Variants in TSPAN18 observed in about 807,000 individuals in gnomAD.
TSPAN18 encodes tetraspanin-18.
In TSPAN18, 14 loss-of-function variants were observed where a neutral mutation model predicts 27.3. The ratio of observed to expected loss-of-function variants is 0.51; its 90% CI spans 0.34 to 0.80. The LOEUF (loss-of-function observed/expected upper bound fraction) is 0.80. Among genes scored for constraint, TSPAN18 ranks in the 30% least tolerant of loss-of-function variants. The pLI is 0.01. For synonymous variants in TSPAN18, 143 were observed against 136.5 expected (o/e 1.05, Z -0.33); for missense variants, 268 against 323.9 (o/e 0.83, Z 1.32).
intron 2 of TSPAN18, among the ~76,000 whole-genome samples, chr11:44,769,484 A>G (rs1334883172): frequency 6.6e-6 from 1 of 152,214 alleles, no homozygotes; most frequent in Non-Finnish European, 1.5e-5. Context: ...AATTTCTCCC[A>G]TAAGTGTTTG....
In TSPAN18 at chr11:44,834,261, A is replaced by C. The variant is rs1193580474; in HGVS notation, c.-152-26067A>C. ...CCTGCACCTCGGGCACCTCTGGCAA[A>C]AAGACCTGCCAGTTCCTTTCGGCCC... On this transcript the variant is annotated intron_variant, in intron 2 of 9. Coordinates refer to ENST00000520358, the MANE Select transcript of TSPAN18 (RefSeq NM_130783.5). 2.6e-5 allele frequency among the ~76,000 whole-genome samples: 4 copies of C among 152,166 alleles called. No individual in the cohort carries two copies. In the East Asian group the frequency reaches 5.8e-4, roughly 22 times the overall value.
intron 2 of TSPAN18, among the ~76,000 whole-genome samples, chr11:44,821,097 A>G (rs112862562): frequency 9.2e-5 from 14 of 152,328 alleles, no homozygotes; most frequent in African/African-American, 3.1e-4. Context: ...GCACTCAATA[A>G]AATGTTAACT....
chr11:44,755,747 A>T (rs1855317227), intron 1 of TSPAN18, among the ~76,000 whole-genome samples: 1 of 152,178 alleles, frequency 6.6e-6, no homozygotes, highest in African/African-American at 2.4e-5. Context: ...GTGGCCTGGC[A>T]TCGGCTTGGG....
chr11:44,925,753 A>G (rs187820338), intron 8 of TSPAN18: 2 of 152,210 alleles, frequency 1.3e-5, no homozygotes, highest in Admixed American at 1.3e-4. Context: ...GCAGGCTCCT[A>G]TAAAGGAAGG....
chr11:44,894,835 T>C (rs1178237642), intron 3 of TSPAN18, among the ~76,000 whole-genome samples: 1 of 152,182 alleles, frequency 6.6e-6, no homozygotes, highest in Admixed American at 6.5e-5. Flanking sequence ...GGCTGGAGAC[T>C]TTGCAGACTG....
intron 2 of TSPAN18, among the ~76,000 whole-genome samples, chr11:44,785,864 G>A (rs1856045177): frequency 6.6e-6 from 1 of 152,220 alleles, no homozygotes; most frequent in Non-Finnish European, 1.5e-5. Flanking sequence ...AGTGGGAGGT[G>A]CCCACAAACT....
intron 2 of TSPAN18, chr11:44,859,591 C>T (rs533867736): frequency 6.6e-6 from 1 of 152,358 alleles, no homozygotes; most frequent in Admixed American, 6.5e-5. Context: ...TGTTCTTTGT[C>T]TGGGCTTGAG....
intron 3 of TSPAN18, chr11:44,903,683 T>C (rs1355812998): frequency 2.2e-6 from 1 of 455,466 alleles, no homozygotes; most frequent in Non-Finnish European, 4.4e-6. Flanking sequence ...GATGATGTCA[T>C]CCGATTTTAC....
At chr11:44,762,477 T>C (rs1403858798) in intron 1 of TSPAN18, among the ~76,000 whole-genome samples, 1 of 152,248 alleles carries the variant, frequency 6.6e-6, no homozygotes, top group East Asian at 1.9e-4. Flanking sequence ...CTAGAGGGTC[T>C]CACTCCAGAG....
chr11:44,840,944 C>T (rs1320710790), intron 2 of TSPAN18, among the ~76,000 whole-genome samples: 1 of 152,144 alleles, frequency 6.6e-6, no homozygotes, highest in African/African-American at 2.4e-5. Flanking sequence ...AATTAAATGA[C>T]ACAAGGATGC....
chr11:44,780,039 A>G (rs576849819), intron 2 of TSPAN18, among the ~76,000 whole-genome samples: 12 of 152,328 alleles, frequency 7.9e-5, no homozygotes, highest in Admixed American at 6.5e-4. Flanking sequence ...ACACCTGTAC[A>G]CATTTACACA....
intron 9 of TSPAN18, among the ~76,000 whole-genome samples, chr11:44,927,985 T>C (rs1860430146): frequency 6.6e-6 from 1 of 152,150 alleles, no homozygotes; most frequent in Admixed American, 6.5e-5. Context: ...GCCAGCCCCA[T>C]GGGAGGCAGA....
chr11:44,791,348 T>C (rs1434495122), intron 2 of TSPAN18, among the ~76,000 whole-genome samples: 1 of 152,156 alleles, frequency 6.6e-6, no homozygotes, highest in Non-Finnish European at 1.5e-5. Context: ...CTGAAGTGCA[T>C]CTATAATAAC....
intron 2 of TSPAN18, among the ~76,000 whole-genome samples, chr11:44,847,868 G>T (rs1857516713): frequency 6.6e-6 from 1 of 151,586 alleles, no homozygotes; most frequent in African/African-American, 2.4e-5. Context: ...GAGTTTCACT[G>T]TGTTGCCCAG....
chr11:44,755,721 G>A (rs1253797677), intron 1 of TSPAN18, among the ~76,000 whole-genome samples: 1 of 152,290 alleles, frequency 6.6e-6, no homozygotes, highest in African/African-American at 2.4e-5. Context: ...GCTGGCAGTG[G>A]CCCAGCCTGG....
At chr11:44,744,496 G>T (rs529027462) in intron 1 of TSPAN18, among the ~76,000 whole-genome samples, 85 of 152,308 alleles carry the variant, frequency 5.6e-4, no homozygotes, top group African/African-American at 1.9e-3. Flanking sequence ...TAGAAATGGG[G>T]GGGTAGCTTC....
intron 2 of TSPAN18, among the ~76,000 whole-genome samples, chr11:44,782,545 CA>C (rs71038822): frequency 0.5 from 55,789 of 110,704 alleles, 11,414 homozygotes; most frequent in Middle Eastern, 0.57. Flanking sequence ...TCCGTCTCCA[CA>C]AAAAAAAAAA....
At chr11:44,766,635 G>A (rs993192976) in intron 2 of TSPAN18, among the ~76,000 whole-genome samples, 18 of 152,240 alleles carry the variant, frequency 1.2e-4, no homozygotes, top group Non-Finnish European at 2.2e-4. Flanking sequence ...GTTGTTCTTG[G>A]TTTACTTTCA....
At chr11:44,848,988 G>A (rs1857542119) in intron 2 of TSPAN18, among the ~76,000 whole-genome samples, 1 of 152,206 alleles carries the variant, frequency 6.6e-6, no homozygotes, top group Non-Finnish European at 1.5e-5. Flanking sequence ...GTGACCTTGG[G>A]CAAATTCTCT....
Sources: gnomAD v4.1 joint callset for allele counts (sites outside exome capture counted in the v4.1 genomes callset) on GRCh38, gnomAD v4.1.1 for gene constraint, MANE v1.5 for transcripts, NCBI Gene and HGNC (gene_info 2026-07-23, HGNC 2026-07-21) for gene names.